The following MEIOC variants were observed in gnomAD, a reference collection of about 807,000 sequenced individuals.
The protein encoded by MEIOC is meiosis-specific coiled-coil domain-containing protein MEIOC.
A neutral mutation model predicts 85.3 loss-of-function variants in MEIOC; 9 were observed. That is an observed-to-expected ratio of 0.11 (90% CI 0.06 to 0.18). MEIOC has a LOEUF of 0.18. MEIOC is among the 10% of genes least tolerant of loss of function. The pLI is 1.00. For synonymous variants in MEIOC, 365 were observed against 393.7 expected, an observed-to-expected ratio of 0.93 and a Z score of 0.86; for missense variants, 898 against 1,129.4, an observed-to-expected ratio of 0.80 and a Z score of 2.94.
At chr17:44,662,563 C>G in intron 3 of MEIOC, 92 bp downstream of exon 3, 1 of 878,832 alleles carries the variant, frequency 1.1e-6, no homozygotes, top group Non-Finnish European at 1.7e-6. Context: ...CCTACATTAT[C>G]ATTTTACTAT....
In MEIOC at chr17:44,674,568, A is replaced by C; in HGVS notation, c.*372A>C. ...GTTTGTCTTAGTTAAGTATAATTCCAAATAATGAATCTAAGTGACTGTAAC... is the reference window on the plus strand; with the variant it reads ...GTTTGTCTTAGTTAAGTATAATTCCCAATAATGAATCTAAGTGACTGTAAC... On this transcript the variant is annotated 3_prime_UTR_variant, in exon 8 of 8. Transcript: ENST00000409122. The C allele has an allele frequency of 2.0e-6, 2 of 1,003,146 alleles. No homozygotes were observed. Among genetic ancestry groups the C allele is most frequent in the South Asian group, 8.7e-5 (2 of 22,924 alleles). 62.1% of individuals were successfully genotyped at this position (1,003,146 alleles called of 1,614,324 possible).
At position 44,674,618 on chromosome 17, in the gene MEIOC, C is replaced by G. The variant is rs1972051721; in HGVS notation, c.*422C>G. 3.0e-6 allele frequency: 3 copies of G among 989,648 alleles called. No homozygotes were observed. In the African/African-American group the frequency reaches 5.2e-5, roughly 17 times the overall value. 61.3% of individuals were successfully genotyped at this position (989,648 alleles called of 1,614,324 possible). A position where few individuals can be genotyped will look rare whatever the true frequency, so the allele number is the denominator to read the frequency against. On this transcript the variant is annotated 3_prime_UTR_variant, in exon 8 of 8. Transcript: ENST00000409122. ...CCCAATTACGGCTACAGCCTAGTAA[C>G]CAAGACAAGTTTTGATTGTGATATC...
intron 2 of MEIOC, among the ~76,000 whole-genome samples, chr17:44,660,441 T>C (rs1343957023): frequency 6.6e-6 from 1 of 152,050 alleles, no homozygotes; most frequent in African/African-American, 2.4e-5. Flanking sequence ...GCTTTCGCCA[T>C]GTTGATCAGG....
At chr17:44,658,270 T>C (rs1971793261) in intron 2 of MEIOC, among the ~76,000 whole-genome samples, 1 of 150,634 alleles carries the variant, frequency 6.6e-6, no homozygotes, top group Admixed American at 6.6e-5. Context: ...TTCTCCTGCC[T>C]CAGCCTCCCG....
chr17:44,665,082 C>T, intron 3 of MEIOC: 1 of 981,726 alleles, frequency 1.0e-6, no homozygotes. Flanking sequence ...TCATAGATGA[C>T]AGATTTATAT....
chr17:44,672,363 GTTTT>G (rs922031287), intron 6 of MEIOC, among the ~76,000 whole-genome samples: 2 of 152,252 alleles, frequency 1.3e-5, no homozygotes, highest in African/African-American at 2.4e-5. Flanking sequence ...TTCCCTGGAG[GTTTT>G]TTTGTGTGTG....
chr17:44,657,033 C>T, intron 1 of MEIOC, 94 bp from the exon 2 acceptor site: 1 of 1,405,698 alleles, frequency 7.1e-7, no homozygotes, highest in South Asian at 1.4e-5. Flanking sequence ...GGAATTGAGC[C>T]GAACAGCCGA....
rs781042706 is a variant in MEIOC, at chr17:44,666,705, T to A, written c.794T>A (p.Leu265His). The A allele has an allele frequency of 3.6e-5, 58 of 1,612,812 alleles. No homozygotes were observed. The highest frequency in any genetic ancestry group is 4.8e-5 in the Non-Finnish European group (57 of 1,179,412). Reference protein sequence around the residue: ...TAKTTFQEYPLIKNCFTPQTG... With the variant: ...TAKTTFQEYPHIKNCFTPQTG... The stretch of plus-strand genomic sequence containing the variant: ...AAGACAACATTCCAAGAATATCCAC[T>A]TATCAAAAACTGTTTTACACCCCAA... The change falls in exon 5 of 8, where the codon CTT (leucine) becomes CAT (histidine). Residue 265 changes from leucine (L) to histidine (H), a missense_variant. Physicochemically the swap from Leu to His is moderately conservative, Grantham distance 99. Coordinates refer to ENST00000409122, the MANE Select transcript of MEIOC (RefSeq NM_001145080.3).
chr17:44,672,471 G>A (rs368732814), intron 6 of MEIOC, among the ~76,000 whole-genome samples: 1 of 152,132 alleles, frequency 6.6e-6, no homozygotes, highest in East Asian at 1.9e-4. Context: ...CTTAATACGA[G>A]TTTGAGGTTA....
chr17:44,662,187 C>T, intron 2 of MEIOC, 130 bp from the exon 3 acceptor site: 1 of 733,032 alleles, frequency 1.4e-6, no homozygotes, highest in South Asian at 1.9e-5. Context: ...AAGCTTAAGT[C>T]ACTAAGTCTG....
At chr17:44,671,778 C>T (rs940030026) in intron 6 of MEIOC, among the ~76,000 whole-genome samples, 14 of 150,410 alleles carry the variant, frequency 9.3e-5, no homozygotes, top group African/African-American at 2.2e-4. Context: ...TGGTGGCAGG[C>T]GCCTGTAGTC....
intron 6 of MEIOC, chr17:44,669,734 C>G (rs1419106218): frequency 2.2e-6 from 1 of 456,418 alleles, no homozygotes; most frequent in Non-Finnish European, 4.0e-6. Context: ...GTGGCATGCG[C>G]CTGTAGTCCC....
chr17:44,674,326 G>T lies in MEIOC; in HGVS notation c.*130G>T. 1 of 1,422,002 alleles carries T rather than the reference G, an allele frequency of 7.0e-7. No individual in the cohort carries two copies. The allele number at this position is 1,422,002 out of a possible 1,614,324, so 88.1% of individuals were successfully genotyped here. A position where few individuals can be genotyped will look rare whatever the true frequency, so the allele number is the denominator to read the frequency against. On this transcript the variant is annotated 3_prime_UTR_variant, in exon 8 of 8. Transcript: ENST00000409122. ...TTAAAGTTAATACCAGTACCTTAAT[G>T]AAGTCTAACTTCTATTTAAAAATCT...
At chr17:44,663,519 A>G (rs932774497) in intron 3 of MEIOC, among the ~76,000 whole-genome samples, 1 of 152,218 alleles carries the variant, frequency 6.6e-6, no homozygotes, top group African/African-American at 2.4e-5. Flanking sequence ...TACGTAATAC[A>G]TAATTCTACA....
At position 44,674,627 on chromosome 17, in the gene MEIOC, G is replaced by C. The variant is rs1026491436; in HGVS notation, c.*431G>C. ...GGCTACAGCCTAGTAACCAAGACAA[G>C]TTTTGATTGTGATATCAAAGTGTTT... On this transcript the variant is annotated 3_prime_UTR_variant, in exon 8 of 8. Transcript: ENST00000409122. The C allele has an allele frequency of 1.0e-6, 1 of 988,210 alleles. No homozygotes were observed. Among genetic ancestry groups the C allele is most frequent in the Non-Finnish European group, 1.2e-6 (1 of 831,462 alleles). 61.2% of individuals were successfully genotyped at this position (988,210 alleles called of 1,614,324 possible). A position where few individuals can be genotyped will look rare whatever the true frequency, so the allele number is the denominator to read the frequency against.
chr17:44,669,205 A>T (rs1971961307), intron 5 of MEIOC, among the ~76,000 whole-genome samples, 178 bp from the exon 6 acceptor site: 1 of 152,112 alleles, frequency 6.6e-6, no homozygotes, highest in Admixed American at 6.5e-5. Flanking sequence ...TCCATCTGAA[A>T]AAAAAAAGAT....
intron 3 of MEIOC, among the ~76,000 whole-genome samples, chr17:44,663,653 A>AGTCT (rs1397908005): frequency 6.6e-6 from 1 of 152,208 alleles, no homozygotes; most frequent in African/African-American, 2.4e-5. Flanking sequence ...GAAAAGTGAA[A>AGTCT]GTCTGTCTTA....
At chr17:44,665,713 G>T (rs1971894329) in intron 4 of MEIOC, among the ~76,000 whole-genome samples, 1 of 151,992 alleles carries the variant, frequency 6.6e-6, no homozygotes. Context: ...AATTATTCTT[G>T]CATAATTCAG....
Position 44,656,669 on chromosome 17 carries a change from A to G in MEIOC, c.56A>G (p.Glu19Gly), listed in dbSNP as rs1971760292. 1.3e-6 allele frequency: 2 copies of G among 1,490,944 alleles called. No individual in the cohort carries two copies. The highest frequency in any genetic ancestry group is 2.9e-5 in the African/African-American group (2 of 68,232). 92.4% of individuals were successfully genotyped at this position (1,490,944 alleles called of 1,614,324 possible). A position where few individuals can be genotyped will look rare whatever the true frequency, so the allele number is the denominator to read the frequency against. ...CPRPHPSGLREEGLEPKVAFP... is the reference protein window; with the variant it reads ...CPRPHPSGLRGEGLEPKVAFP... ...CGCCCTCACCCCTCAGGCCTGAGGG[A>G]GGAAGGACTTGAGGTAATGGATGAG... The change falls in exon 1 of 8, where the codon GAG becomes GGG. Residue 19 changes from glutamate to glycine, a missense_variant. Transcript: ENST00000409122.
Sources: allele counts gnomAD v4.1 joint callset (sites outside exome capture counted in the v4.1 genomes callset), GRCh38; gene constraint gnomAD v4.1.1; transcripts MANE v1.5; gene names NCBI Gene and HGNC (gene_info 2026-07-23, HGNC 2026-07-21).